MMP26: variants seen among roughly 807,000 people sequenced by gnomAD.
The protein encoded by MMP26 is matrix metallopeptidase 26, also known as matrix metalloproteinase-26.
A neutral mutation model predicts 31.0 loss-of-function variants in MMP26; 33 were observed. That is an observed-to-expected ratio of 1.06 (90% CI 0.81 to 1.42). The LOEUF (loss-of-function observed/expected upper bound fraction) is 1.42. MMP26 is among the 40% of genes most tolerant of loss of function. The pLI is 0.00. For synonymous variants in MMP26, 122 were observed against 114.9 expected (o/e 1.06, Z -0.40); for missense variants, 347 against 316.1 (o/e 1.10, Z -0.74).
intron 2 of MMP26, chr11:4,882,488 A>T (rs1331560096): frequency 6.2e-7 from 1 of 1,613,902 alleles, no homozygotes; most frequent in African/African-American, 1.3e-5. Context: ...ACCTTGGATC[A>T]GCAGTTTTTG....
intron 2 of MMP26, among the ~76,000 whole-genome samples, chr11:4,888,590 C>T (rs769230098): frequency 2.6e-5 from 4 of 152,086 alleles, no homozygotes; most frequent in Non-Finnish European, 5.9e-5. Context: ...AAAGCACAAT[C>T]ATCCTTCTGT....
intron 2 of MMP26, among the ~76,000 whole-genome samples, chr11:4,980,105 C>T (rs1846791668): frequency 6.6e-6 from 1 of 151,928 alleles, no homozygotes; most frequent in Admixed American, 6.6e-5. Flanking sequence ...CTGAGTATTG[C>T]CCAGTAGAAT....
chr11:4,779,196 G>A (rs1311758306), intron 2 of MMP26, among the ~76,000 whole-genome samples: 2 of 151,988 alleles, frequency 1.3e-5, no homozygotes, highest in Non-Finnish European at 2.9e-5. Context: ...AATGCATAGG[G>A]AATACTTAAA....
intron 2 of MMP26, among the ~76,000 whole-genome samples, chr11:4,805,862 A>T (rs1865284): frequency 0.16 from 24,164 of 152,038 alleles, 2,075 homozygotes; most frequent in Middle Eastern, 0.22. Flanking sequence ...TATCAATCTC[A>T]GAATCGATGG....
intron 2 of MMP26, among the ~76,000 whole-genome samples, chr11:4,803,053 T>A (rs1031906286): frequency 2.0e-5 from 3 of 152,244 alleles, no homozygotes; most frequent in Admixed American, 6.5e-5. Flanking sequence ...AATTATTTGA[T>A]GTAAATTTCT....
chr11:4,706,404 A>T (rs980185684), intron 1 of MMP26, among the ~76,000 whole-genome samples: 1 of 138,210 alleles, frequency 7.2e-6, no homozygotes, highest in Non-Finnish European at 1.5e-5. Flanking sequence ...TACAAAAAAT[A>T]AAAAAAAATT....
chr11:4,868,315 A>C (rs1850264408), intron 2 of MMP26, among the ~76,000 whole-genome samples: 1 of 152,120 alleles, frequency 6.6e-6, no homozygotes, highest in Non-Finnish European at 1.5e-5. Flanking sequence ...ACCTTTAGAA[A>C]ACCCCATCGT....
At chr11:4,712,373 G>A (rs963905257) in intron 1 of MMP26, 2 of 152,018 alleles carry the variant, frequency 1.3e-5, no homozygotes, top group African/African-American at 4.8e-5. Context: ...CATAGATGGC[G>A]GTCTCTCTTT....
intron 1 of MMP26, chr11:4,709,693 C>G (rs1278376541): frequency 4.4e-6 from 2 of 458,904 alleles, no homozygotes; most frequent in Non-Finnish European, 8.8e-6. Flanking sequence ...ATTGCTATCT[C>G]TGGGAATGGC....
At chr11:4,972,235 T>C (rs748017239) in intron 2 of MMP26, among the ~76,000 whole-genome samples, 1 of 151,942 alleles carries the variant, frequency 6.6e-6, no homozygotes, top group African/African-American at 2.4e-5. Context: ...TCGAACAATA[T>C]GGAGATAAAT....
chr11:4,841,811 T>C (rs1191846142), intron 2 of MMP26, among the ~76,000 whole-genome samples: 1 of 152,170 alleles, frequency 6.6e-6, no homozygotes, highest in Non-Finnish European at 1.5e-5. Context: ...TGCGTGCCTG[T>C]AATCCCAGCT....
intron 2 of MMP26, among the ~76,000 whole-genome samples, chr11:4,880,248 T>A (rs1485298943): frequency 6.6e-6 from 1 of 152,108 alleles, no homozygotes; most frequent in Non-Finnish European, 1.5e-5. Context: ...GTTATGGGAC[T>A]GAAGAGAAGT....
chr11:4,732,852 A>G (rs1306441810), intron 1 of MMP26, among the ~76,000 whole-genome samples: 1 of 152,204 alleles, frequency 6.6e-6, no homozygotes, highest in Admixed American at 6.5e-5. Context: ...CACATTTTGT[A>G]TATTCATTTT....
chr11:4,845,178 T>C (rs1158275798), intron 2 of MMP26, among the ~76,000 whole-genome samples: 1 of 152,052 alleles, frequency 6.6e-6, no homozygotes, highest in Non-Finnish European at 1.5e-5. Flanking sequence ...TAAAATTAAA[T>C]ACCTAAAAAT....
chr11:4,831,683 G>T (rs1459065798), intron 2 of MMP26, among the ~76,000 whole-genome samples: 1 of 152,044 alleles, frequency 6.6e-6, no homozygotes, highest in African/African-American at 2.4e-5. Flanking sequence ...ATAAGATTTA[G>T]GTCTCCCTTA....
intron 2 of MMP26, among the ~76,000 whole-genome samples, chr11:4,834,993 C>T (rs1289404796): frequency 6.6e-6 from 1 of 151,652 alleles, no homozygotes; most frequent in Non-Finnish European, 1.5e-5. Flanking sequence ...CTATATTCCC[C>T]CATGGAAACA....
intron 2 of MMP26, among the ~76,000 whole-genome samples, chr11:4,888,633 C>T (rs1300751798): frequency 6.6e-6 from 1 of 151,964 alleles, no homozygotes; most frequent in African/African-American, 2.4e-5. Flanking sequence ...TGGAACTTTG[C>T]CGTAACATAG....
chr11:4,943,912 T>A (rs747543084), intron 2 of MMP26: 2 of 435,872 alleles, frequency 4.6e-6, no homozygotes, highest in South Asian at 3.3e-5. Context: ...GTGACATCTA[T>A]GTACAATATC....
chr11:4,853,100 T>C (rs918030254), intron 2 of MMP26, among the ~76,000 whole-genome samples: 1 of 152,184 alleles, frequency 6.6e-6, no homozygotes, highest in Admixed American at 6.5e-5. Context: ...CTTACAGTTA[T>C]AAGATGTGTA....
Sources: allele counts gnomAD v4.1 joint callset (sites outside exome capture counted in the v4.1 genomes callset), GRCh38; gene constraint gnomAD v4.1.1; transcripts MANE v1.5; gene names NCBI Gene and HGNC (gene_info 2026-07-23, HGNC 2026-07-21).